Variants in COL27A1 observed in about 807,000 individuals in gnomAD.
The protein encoded by COL27A1 is collagen alpha-1(XXVII) chain.
A neutral mutation model predicts 251.3 loss-of-function variants in COL27A1; 106 were observed. That is an observed-to-expected ratio of 0.42 (90% CI 0.36 to 0.50). COL27A1 has a LOEUF of 0.50. COL27A1 is among the 20% of genes least tolerant of loss of function. The probability of loss-of-function intolerance (pLI) is 0.00; values close to 1 mark genes in which losing one functional copy is unlikely to be tolerated. For synonymous variants in COL27A1, 1,000 were observed against 986.3 expected (o/e 1.01, Z -0.26); for missense variants, 2,325 against 2,522.8 (o/e 0.92, Z 1.68).
intron 25 of COL27A1, 38 bp downstream of exon 25, chr9:114,250,706 C>T: frequency 6.3e-7 from 1 of 1,589,972 alleles, no homozygotes; most frequent in Non-Finnish European, 8.6e-7. Flanking sequence ...ACAATTAGAG[C>T]TTGTGTTTTG....
At chr9:114,231,229 G>T in intron 15 of COL27A1, 97 bp downstream of exon 15, 1 of 1,167,228 alleles carries the variant, frequency 8.6e-7, no homozygotes, top group Non-Finnish European at 1.3e-6. Context: ...GATGATGCTG[G>T]GGGAAGGGAG....
At chr9:114,191,803 C>T (rs1379766879) in intron 5 of COL27A1, among the ~76,000 whole-genome samples, 1 of 152,162 alleles carries the variant, frequency 6.6e-6, no homozygotes, top group Non-Finnish European at 1.5e-5. Flanking sequence ...GTGACTTATT[C>T]CTACCGTGCC....
chr9:114,302,481 C>T (rs1043805275), intron 56 of COL27A1, among the ~76,000 whole-genome samples: 2 of 152,100 alleles, frequency 1.3e-5, no homozygotes, highest in Non-Finnish European at 2.9e-5. Context: ...AATCCCAGCA[C>T]TTTGGGAGTT....
At chr9:114,181,593 C>T (rs1404197269) in intron 4 of COL27A1, among the ~76,000 whole-genome samples, 1 of 152,186 alleles carries the variant, frequency 6.6e-6, no homozygotes, top group East Asian at 1.9e-4. Context: ...TGCCTCTCCT[C>T]ACCTCCTATG....
chr9:114,249,774 A>G (rs1324523421), intron 24 of COL27A1, among the ~76,000 whole-genome samples: 1 of 152,196 alleles, frequency 6.6e-6, no homozygotes, highest in Non-Finnish European at 1.5e-5. Flanking sequence ...TCATCCCTCC[A>G]TCTTTCCTAA....
rs1480591442 is a variant in COL27A1 at position 114,236,880 on chromosome 9, C to T, written c.2620-101C>T. On this transcript the variant is annotated intron_variant, in intron 17 of 60. Transcript: ENST00000356083. ...GGAAGGAGCTCATCTTCCTCCAAGG[C>T]GGGCGTTCTCTGGGCCTGGGACCAG... 2.2e-5 allele frequency: 23 copies of T among 1,038,914 alleles called. No individual in the cohort carries two copies. The East Asian group carries it at 3.0e-4, about 14-fold the overall frequency. 64.4% of individuals were successfully genotyped at this position (1,038,914 alleles called of 1,614,324 possible). A position where few individuals can be genotyped will look rare whatever the true frequency, so the allele number is the denominator to read the frequency against.
At chr9:114,302,161 G>C in intron 56 of COL27A1, 53 bp downstream of exon 56, 1 of 1,489,674 alleles carries the variant, frequency 6.7e-7, no homozygotes, top group East Asian at 2.3e-5. Context: ...TGAGGGGTTT[G>C]GGGGAAGAGG....
At chr9:114,287,165 G>A (rs1827553408) in intron 41 of COL27A1, among the ~76,000 whole-genome samples, 1 of 152,150 alleles carries the variant, frequency 6.6e-6, no homozygotes, top group Admixed American at 6.5e-5. Context: ...CAGAACCACA[G>A]AGGCCCAGGC....
intron 4 of COL27A1, among the ~76,000 whole-genome samples, chr9:114,178,556 G>C (rs539692896): frequency 2.4e-3 from 372 of 152,274 alleles, no homozygotes; most frequent in African/African-American, 8.6e-3. Context: ...ACCTCTTGTA[G>C]GTCTCAGTTG....
Position 114,282,265 on chromosome 9 carries a change from C to G in COL27A1, c.3718-12C>G, listed in dbSNP as rs1167091293. ...TCATCTTTCTCTTGCTCTGTCCCTC[C>G]TCTCTCTTCAGGGTCCTGAAGGAAA... On this transcript the variant is annotated splice_polypyrimidine_tract_variant and intron_variant, in intron 37 of 60. Transcript: ENST00000356083. 6.2e-7 allele frequency: 1 copy of G among 1,612,064 alleles called. No individual in the cohort carries two copies. The highest frequency in any genetic ancestry group is 1.7e-5 in the Admixed American group (1 of 60,020).
At chr9:114,275,823 A>G in intron 37 of COL27A1, 55 bp downstream of exon 37, 1 of 1,194,878 alleles carries the variant, frequency 8.4e-7, no homozygotes, top group Non-Finnish European at 1.2e-6. Context: ...CTGAACTCTC[A>G]TGCCTGTGCA....
intron 1 of COL27A1, among the ~76,000 whole-genome samples, chr9:114,159,488 C>A (rs1848349635): frequency 1.3e-5 from 2 of 151,998 alleles, no homozygotes; most frequent in African/African-American, 4.8e-5. Flanking sequence ...AGAGAGGGGG[C>A]TGGAAGGAGA....
chr9:114,193,847 A>G (rs915992793), intron 5 of COL27A1, among the ~76,000 whole-genome samples: 5 of 152,154 alleles, frequency 3.3e-5, no homozygotes, highest in Non-Finnish European at 7.4e-5. Flanking sequence ...GGAACAAGCC[A>G]GGAGACAGTC....
chr9:114,290,334 G>A lies in COL27A1; in HGVS notation c.4368+3G>A. On this transcript the variant is annotated splice_donor_region_variant and intron_variant, in intron 47 of 60. Coordinates refer to ENST00000356083, the MANE Select transcript of COL27A1 (RefSeq NM_032888.4). The surrounding 1 kb of genome is among the most constrained non-coding windows in gnomAD (Gnocchi z 4.6). ...GGGACGGGCAAGCAGGACAGCAGGT[G>A]AGCGGGAATTGGCATTAACAGATGG... is the stretch of plus-strand genomic sequence containing the variant. 1 of 1,570,780 alleles carries A rather than the reference G, an allele frequency of 6.4e-7. No individual in the cohort carries two copies. The highest frequency in any genetic ancestry group is 8.6e-7 in the Non-Finnish European group (1 of 1,157,384).
intron 5 of COL27A1, among the ~76,000 whole-genome samples, chr9:114,184,942 T>G (rs1828223018): frequency 6.6e-6 from 1 of 152,156 alleles, no homozygotes; most frequent in African/African-American, 2.4e-5. Flanking sequence ...TGGCCTGCTC[T>G]GGGACCAGTG....
At chr9:114,245,940 G>A (rs1324533762) in intron 24 of COL27A1, 30 bp downstream of exon 24, 2 of 1,605,510 alleles carry the variant, frequency 1.2e-6, no homozygotes, top group South Asian at 1.1e-5. Context: ...TGAATGAGTG[G>A]CTCCATTTAT....
chr9:114,250,837 C>T (rs961076581), intron 25 of COL27A1, among the ~76,000 whole-genome samples, 169 bp downstream of exon 25: 71 of 152,094 alleles, frequency 4.7e-4, no homozygotes, highest in African/African-American at 1.7e-3. Context: ...CCTGGCATCC[C>T]TTGGGGTTCT....
intron 49 of COL27A1, among the ~76,000 whole-genome samples, chr9:114,299,762 A>T (rs112206447): frequency 1.3e-5 from 2 of 152,218 alleles, no homozygotes; most frequent in Non-Finnish European, 2.9e-5. Flanking sequence ...AGGAGGCTGC[A>T]GGCCCTTTTA....
At chr9:114,161,784 G>A (rs1848509567) in intron 1 of COL27A1, among the ~76,000 whole-genome samples, 1 of 152,232 alleles carries the variant, frequency 6.6e-6, no homozygotes, top group South Asian at 2.1e-4. Flanking sequence ...CCCACAGGAA[G>A]GTGAAATTGT....
Sources: gnomAD v4.1 joint callset for allele counts (sites outside exome capture counted in the v4.1 genomes callset) on GRCh38, gnomAD v4.1.1 for gene constraint, Gnocchi (gnomAD v3.1) non-coding constraint, MANE v1.5 for transcripts, NCBI Gene and HGNC (gene_info 2026-07-23, HGNC 2026-07-21) for gene names.